The following CSMD1 variants were observed in gnomAD, a reference collection of about 807,000 sequenced individuals.
CSMD1 encodes CUB and sushi domain-containing protein 1.
In CSMD1, 213 loss-of-function variants were observed where a neutral mutation model predicts 417.5. That is an observed-to-expected ratio of 0.51 (90% CI 0.46 to 0.57). The LOEUF is 0.57. CSMD1 is among the 20% of genes least tolerant of loss of function. The pLI is 0.00. For synonymous variants in CSMD1, 2,862 were observed against 1,736.8 expected (o/e 1.65, Z -16.11); for missense variants, 6,923 against 4,529.7 (o/e 1.53, Z -15.17).
intron 30 of CSMD1, among the ~76,000 whole-genome samples, chr8:3,212,691 C>T (rs1041101775): frequency 6.6e-6 from 1 of 152,004 alleles, no homozygotes; most frequent in Non-Finnish European, 1.5e-5. Context: ...CTGCTGGGTC[C>T]AGACAGCTAC....
At chr8:4,736,923 T>C (rs1810283039) in intron 1 of CSMD1, among the ~76,000 whole-genome samples, 1 of 152,204 alleles carries the variant, frequency 6.6e-6, no homozygotes, top group Non-Finnish European at 1.5e-5. Flanking sequence ...CTCTTTGTAA[T>C]AATTCCTGGG....
chr8:4,108,372 C>G (rs943079621), intron 3 of CSMD1, among the ~76,000 whole-genome samples: 2 of 152,168 alleles, frequency 1.3e-5, no homozygotes, highest in African/African-American at 4.8e-5. Context: ...CCCCGGGTAT[C>G]TGTATCAAGA....
intron 5 of CSMD1, among the ~76,000 whole-genome samples, chr8:3,767,057 C>A (rs1250314158): frequency 6.6e-6 from 1 of 152,182 alleles, no homozygotes; most frequent in East Asian, 1.9e-4. Flanking sequence ...AGCTGCTTTT[C>A]AGCATCACTG....
rs577947396 is a variant in CSMD1 at position 3,856,183 on chromosome 8, C to G, written c.819-102141G>C. Among the ~76,000 whole-genome samples, 574 of 152,058 alleles carry G rather than the reference C, an allele frequency of 3.8e-3. 3 individuals carry two copies. The highest frequency in any genetic ancestry group is 7.4e-3 in the African/African-American group (306 of 41,480). ...TGGTTTGTAATGGTTTAGCACCATC[C>G]TCCCAGTGCTGTTCTCATGATAGAG... On this transcript the variant is annotated intron_variant, in intron 5 of 69. Coordinates refer to ENST00000635120, the MANE Select transcript of CSMD1 (RefSeq NM_033225.6).
chr8:4,734,135 A>G (rs901147300), intron 1 of CSMD1, among the ~76,000 whole-genome samples: 3 of 152,158 alleles, frequency 2.0e-5, no homozygotes, highest in African/African-American at 7.2e-5. Flanking sequence ...TTTCATTTAC[A>G]TTTACAAGCT....
rs1563163139 is a variant in CSMD1, at chr8:2,937,454, A to AAAAAAAAAAAAAAAC, written c.*1130_*1131insGTTTTTTTTTTTTTT. ...GTAAAAGACAAAAAAAAAAAAAAAC[A>AAAAAAAAAAAAAAAC]AAAAAAAAACACTGCAAAAGGGAAG... On this transcript the variant is annotated 3_prime_UTR_variant, in exon 70 of 70. Coordinates refer to ENST00000635120, the MANE Select transcript of CSMD1 (RefSeq NM_033225.6). 3 of 69,748 alleles carry AAAAAAAAAAAAAAAC rather than the reference A, an allele frequency of 4.3e-5. No individual in the cohort carries two copies. Among genetic ancestry groups the AAAAAAAAAAAAAAAC allele is most frequent in the Non-Finnish European group, 5.5e-5 (2 of 36,158 alleles). 4.3% of individuals were successfully genotyped at this position (69,748 alleles called of 1,614,324 possible). A position where few individuals can be genotyped will look rare whatever the true frequency, so the allele number is the denominator to read the frequency against.
At chr8:4,143,181 G>A (rs1448256964) in intron 3 of CSMD1, among the ~76,000 whole-genome samples, 1 of 151,090 alleles carries the variant, frequency 6.6e-6, no homozygotes. Context: ...TTCAAAACAG[G>A]TAAGTGCTGA....
intron 10 of CSMD1, among the ~76,000 whole-genome samples, chr8:3,509,595 A>G (rs780735688): frequency 2.0e-5 from 3 of 152,230 alleles, no homozygotes; most frequent in African/African-American, 4.8e-5. Context: ...GTTAGAAGCT[A>G]TATCTAGTGG....
chr8:3,619,144 G>A (rs78598264), intron 7 of CSMD1, among the ~76,000 whole-genome samples: 79,279 of 149,908 alleles, frequency 0.53, 20,867 homozygotes, highest in Middle Eastern at 0.6. Context: ...AGAAGATGAG[G>A]TTAGATTCTT....
chr8:4,126,212 T>A (rs1023431057), intron 3 of CSMD1, among the ~76,000 whole-genome samples: 1 of 152,188 alleles, frequency 6.6e-6, no homozygotes, highest in African/African-American at 2.4e-5. Context: ...CCAAATGCTC[T>A]GGGAGACTGA....
chr8:4,172,216 G>C (rs1250288942), intron 3 of CSMD1, among the ~76,000 whole-genome samples: 1 of 151,940 alleles, frequency 6.6e-6, no homozygotes, highest in Non-Finnish European at 1.5e-5. Context: ...ATAAAACACT[G>C]GACCAAGAGA....
intron 5 of CSMD1, among the ~76,000 whole-genome samples, chr8:3,792,504 C>A (rs1255614776): frequency 6.6e-6 from 1 of 152,128 alleles, no homozygotes; most frequent in African/African-American, 2.4e-5. Context: ...TTGCAACTCG[C>A]TGATTACTGT....
chr8:4,307,494 C>T (rs544632218), intron 3 of CSMD1, among the ~76,000 whole-genome samples: 60 of 152,274 alleles, frequency 3.9e-4, no homozygotes, highest in African/African-American at 1.3e-3. Flanking sequence ...GGAAATAAAA[C>T]TTCACTACCC....
At chr8:3,973,190 A>C (rs892328565) in intron 5 of CSMD1, among the ~76,000 whole-genome samples, 1 of 152,194 alleles carries the variant, frequency 6.6e-6, no homozygotes, top group Non-Finnish European at 1.5e-5. Context: ...TGTTACCTTA[A>C]ATGGTGGTGC....
intron 3 of CSMD1, among the ~76,000 whole-genome samples, chr8:4,407,106 G>C (rs1805080554): frequency 6.6e-6 from 1 of 152,160 alleles, no homozygotes. Context: ...TGTAGCAGCA[G>C]AGTTGGGTAG....
At chr8:3,392,511 C>A (rs916708300) in intron 17 of CSMD1, among the ~76,000 whole-genome samples, 5 of 152,052 alleles carry the variant, frequency 3.3e-5, no homozygotes, top group African/African-American at 1.2e-4. Flanking sequence ...TCGCTGGACT[C>A]ATTGGTTCCT....
At position 3,010,195 on chromosome 8, in the gene CSMD1, G is replaced by A. The variant is rs184317071; in HGVS notation, c.8029+8282C>T. The stretch of plus-strand genomic sequence containing the variant: ...GGAGGCAAAGATCTCCCTGACTTCA[G>A]GTTTCTCCTACAATAGGAGAGCCTA... On this transcript the variant is annotated intron_variant, in intron 52 of 69. Coordinates refer to ENST00000635120, the MANE Select transcript of CSMD1 (RefSeq NM_033225.6). Among the ~76,000 whole-genome samples, 3 of 152,270 alleles carry A rather than the reference G, an allele frequency of 2.0e-5. No homozygotes were observed. The East Asian group carries it at 5.8e-4, about 29-fold the overall frequency.
At chr8:4,194,836 G>C (rs920636907) in intron 3 of CSMD1, among the ~76,000 whole-genome samples, 3 of 151,872 alleles carry the variant, frequency 2.0e-5, no homozygotes, top group African/African-American at 4.8e-5. Context: ...AAAAAAGTTT[G>C]TTTCAGGATC....
intron 3 of CSMD1, among the ~76,000 whole-genome samples, chr8:4,195,427 C>G (rs141218061): frequency 1.3e-5 from 2 of 152,118 alleles, no homozygotes; most frequent in African/African-American, 4.8e-5. Context: ...AAGACTGTGT[C>G]ATGATTTAAA....
Sources: gnomAD v4.1 joint callset for allele counts (sites outside exome capture counted in the v4.1 genomes callset) on GRCh38, gnomAD v4.1.1 for gene constraint, MANE v1.5 for transcripts, NCBI Gene and HGNC (gene_info 2026-07-23, HGNC 2026-07-21) for gene names.